The following XYLT1 variants were observed in gnomAD, a reference collection of about 807,000 sequenced individuals.
XYLT1 encodes xylosyltransferase 1.
In XYLT1, 36 loss-of-function variants were observed where a neutral mutation model predicts 91.3. The observed-to-expected ratio is 0.39, with a 90% CI of 0.30 to 0.52. XYLT1 has a LOEUF of 0.52. Among genes scored for constraint, XYLT1 ranks in the 20% least tolerant of loss-of-function variants. The pLI, the probability that XYLT1 is intolerant of heterozygous loss-of-function variation, is 0.68. For synonymous variants in XYLT1, 588 were observed against 532.0 expected, an observed-to-expected ratio of 1.11 and a Z score of -1.45; for missense variants, 1,242 against 1,284.5, an observed-to-expected ratio of 0.97 and a Z score of 0.51.
chr16:17,154,174 T>C (rs2099469300), intron 6 of XYLT1, among the ~76,000 whole-genome samples: 1 of 152,244 alleles, frequency 6.6e-6, no homozygotes, highest in South Asian at 2.1e-4. Context: ...GATCATTATT[T>C]GAATTTTATA....
intron 3 of XYLT1, among the ~76,000 whole-genome samples, chr16:17,232,450 CAT>C (rs5815943): frequency 7.1e-5 from 8 of 113,248 alleles, no homozygotes; most frequent in Admixed American, 1.0e-4. Flanking sequence ...TATATATATA[CAT>C]ATATATATAT....
chr16:17,433,745 A>G lies in XYLT1; in HGVS notation c.363+36689T>C, dbSNP rs558345695. Among the ~76,000 whole-genome samples, 3 of 152,352 alleles carry G rather than the reference A, an allele frequency of 2.0e-5. No homozygotes were observed. The South Asian group carries it at 6.2e-4, about 32-fold the overall frequency. On this transcript the variant is annotated intron_variant, in intron 1 of 11. Coordinates refer to ENST00000261381, the MANE Select transcript of XYLT1 (RefSeq NM_022166.4). ...CGAGGGACTTAACAGCATTTCCTCT[A>G]TAGCCTCAAAGGTATTTGAATCAGG...
intron 2 of XYLT1, among the ~76,000 whole-genome samples, chr16:17,278,066 C>T (rs187075654): frequency 4.1e-4 from 62 of 152,320 alleles, no homozygotes; most frequent in South Asian, 2.1e-4. Flanking sequence ...TCCCTGCGAA[C>T]ATGAGGCATC....
At chr16:17,452,296 AGTTT>A (rs2036675398) in intron 1 of XYLT1, among the ~76,000 whole-genome samples, 1 of 139,294 alleles carries the variant, frequency 7.2e-6, no homozygotes, top group Admixed American at 7.2e-5. Context: ...TTTGATTCTC[AGTTT>A]TTTTCTTTTT....
chr16:17,239,905 A>C (rs540759089), intron 3 of XYLT1, among the ~76,000 whole-genome samples: 1 of 152,140 alleles, frequency 6.6e-6, no homozygotes, highest in Non-Finnish European at 1.5e-5. Context: ...CCATCTTTCC[A>C]TATATCCACC....
At chr16:17,199,629 G>A (rs1191432455) in intron 4 of XYLT1, among the ~76,000 whole-genome samples, 3 of 152,110 alleles carry the variant, frequency 2.0e-5, no homozygotes, top group African/African-American at 2.4e-5. Flanking sequence ...TACTGTTCTC[G>A]TGGTAGTGAA....
chr16:17,319,993 A>G (rs1567372830), intron 2 of XYLT1, among the ~76,000 whole-genome samples: 1 of 152,126 alleles, frequency 6.6e-6, no homozygotes, highest in Non-Finnish European at 1.5e-5. Context: ...TCTGCCCAGA[A>G]CAGCCTTTCT....
chr16:17,230,651 C>T (rs1444409996), intron 3 of XYLT1, among the ~76,000 whole-genome samples: 4 of 152,330 alleles, frequency 2.6e-5, no homozygotes, highest in Middle Eastern at 3.4e-3. Flanking sequence ...GCTCTTTTGG[C>T]AGCCCTGGTC....
At chr16:17,271,726 G>A (rs1380701470) in intron 2 of XYLT1, among the ~76,000 whole-genome samples, 1 of 152,206 alleles carries the variant, frequency 6.6e-6, no homozygotes, top group Non-Finnish European at 1.5e-5. Context: ...GTCTCCTGGA[G>A]TAGGAGTGGG....
At chr16:17,147,072 G>A (rs2031152972) in intron 6 of XYLT1, among the ~76,000 whole-genome samples, 1 of 152,168 alleles carries the variant, frequency 6.6e-6, no homozygotes, top group African/African-American at 2.4e-5. Context: ...GACAGACAAT[G>A]GAAGACAGAT....
chr16:17,165,000 C>T (rs2031643672), intron 5 of XYLT1, among the ~76,000 whole-genome samples: 1 of 152,330 alleles, frequency 6.6e-6, no homozygotes, highest in Admixed American at 6.5e-5. Context: ...GAAGTGCACA[C>T]TCCACAGAGG....
intron 3 of XYLT1, among the ~76,000 whole-genome samples, chr16:17,222,038 G>A (rs955981701): frequency 2.6e-5 from 4 of 152,124 alleles, no homozygotes; most frequent in Admixed American, 6.5e-5. Flanking sequence ...AGAGGACAGC[G>A]ATTGGCATGA....
At chr16:17,119,603 A>T (rs1282405087) in intron 10 of XYLT1, among the ~76,000 whole-genome samples, 3 of 152,176 alleles carry the variant, frequency 2.0e-5, no homozygotes, top group African/African-American at 7.2e-5. Context: ...ACAGAGCTTC[A>T]CTGCTAATAT....
chr16:17,198,094 T>A, intron 5 of XYLT1, 118 bp downstream of exon 5: 1 of 1,042,746 alleles, frequency 9.6e-7, no homozygotes, highest in Non-Finnish European at 1.4e-6. Flanking sequence ...CAGAATCCTA[T>A]CCTGAGCGAT....
intron 5 of XYLT1, among the ~76,000 whole-genome samples, chr16:17,165,807 C>A (rs2031667710): frequency 6.6e-6 from 1 of 152,204 alleles, no homozygotes; most frequent in African/African-American, 2.4e-5. Flanking sequence ...CCTTGAATAA[C>A]TATCTTTTCA....
intron 5 of XYLT1, among the ~76,000 whole-genome samples, chr16:17,163,068 G>A (rs2031592507): frequency 6.6e-6 from 1 of 152,176 alleles, no homozygotes; most frequent in African/African-American, 2.4e-5. Context: ...AACATCAGAA[G>A]CTTAAGACAC....
Position 17,200,375 on chromosome 16 carries a change from T to C in XYLT1, c.1086+107A>G, listed in dbSNP as rs998699202. ...GGCAGCTGGTCAGCTTCCAAGCCTT[T>C]TCTGAAAGCAGGCAGTCTGGACTAG... On this transcript the variant is annotated intron_variant, in intron 4 of 11. Transcript: ENST00000261381. 1.3e-5 allele frequency: 18 copies of C among 1,428,100 alleles called. No homozygotes were observed. In the Middle Eastern group the frequency reaches 7.2e-4, roughly 57 times the overall value. The allele number at this position is 1,428,100 out of a possible 1,614,324, so 88.5% of individuals were successfully genotyped here.
intron 2 of XYLT1, among the ~76,000 whole-genome samples, chr16:17,292,940 C>A (rs569356178): frequency 3.3e-5 from 5 of 152,136 alleles, no homozygotes; most frequent in South Asian, 2.1e-4. Context: ...TGTGTGGGAG[C>A]CTCAGGAACC....
chr16:17,109,102 C>G (rs1033934388), intron 11 of XYLT1, 85 bp from the exon 12 acceptor site: 1 of 1,344,192 alleles, frequency 7.4e-7, no homozygotes, highest in African/African-American at 1.5e-5. Context: ...TGGTGCTGCA[C>G]TGGGTGCCAT....
Sources: allele counts gnomAD v4.1 joint callset (sites outside exome capture counted in the v4.1 genomes callset), GRCh38; gene constraint gnomAD v4.1.1; transcripts MANE v1.5; gene names NCBI Gene and HGNC (gene_info 2026-07-23, HGNC 2026-07-21).